Variants in CFAP43 observed in about 807,000 individuals in gnomAD.
CFAP43 encodes the protein cilia- and flagella-associated protein 43.
A neutral mutation model predicts 218.9 loss-of-function variants in CFAP43; 155 were observed. That is an observed-to-expected ratio of 0.71 (90% CI 0.62 to 0.81). CFAP43 has a LOEUF of 0.81. CFAP43 is among the 30% of genes least tolerant of loss of function. The pLI, the probability that CFAP43 is intolerant of heterozygous loss-of-function variation, is 0.00. For synonymous variants in CFAP43, 645 were observed against 681.3 expected (o/e 0.95, Z 0.83); for missense variants, 1,778 against 1,954.3 (o/e 0.91, Z 1.70).
intron 7 of CFAP43, among the ~76,000 whole-genome samples, chr10:104,205,130 G>A (rs373220509): frequency 2.7e-5 from 4 of 146,884 alleles, no homozygotes; most frequent in African/African-American, 7.6e-5. Context: ...GGAGAATGGC[G>A]TGAACCCAGG....
chr10:104,195,549 T>C (rs996735311), intron 10 of CFAP43, among the ~76,000 whole-genome samples: 36 of 152,338 alleles, frequency 2.4e-4, no homozygotes, highest in South Asian at 8.3e-4. Context: ...TTATGTATCT[T>C]TGGCATCTTA....
intron 34 of CFAP43, among the ~76,000 whole-genome samples, chr10:104,138,505 G>A (rs185032692): frequency 1.3e-5 from 2 of 151,864 alleles, no homozygotes; most frequent in African/African-American, 2.4e-5. Flanking sequence ...GAGAAACCCC[G>A]CCTCTACTGA....
intron 35 of CFAP43, chr10:104,132,643 T>C: frequency 1.0e-6 from 1 of 985,410 alleles, no homozygotes; most frequent in Non-Finnish European, 1.2e-6. Context: ...TTGATTTGGC[T>C]TTTGTGCCAT....
chr10:104,154,676 G>T (rs2088446504), intron 27 of CFAP43, among the ~76,000 whole-genome samples: 1 of 152,174 alleles, frequency 6.6e-6, no homozygotes, highest in South Asian at 2.1e-4. Context: ...TAAAAACACT[G>T]AGATTCTGGG....
chr10:104,141,802 A>G (rs1456953692), intron 33 of CFAP43, among the ~76,000 whole-genome samples: 1 of 152,184 alleles, frequency 6.6e-6, no homozygotes, highest in Non-Finnish European at 1.5e-5. Context: ...TCAGAGAAGT[A>G]TTTATCGATG....
At chr10:104,188,548 GT>G in intron 12 of CFAP43, 138 bp from the exon 13 acceptor site, 3 of 1,158,596 alleles carry the variant, frequency 2.6e-6, no homozygotes, top group African/African-American at 1.6e-5. Context: ...GACATTTAAA[GT>G]GACCTTTAAA....
intron 5 of CFAP43, among the ~76,000 whole-genome samples, chr10:104,208,693 A>G (rs1229148307): frequency 6.6e-6 from 1 of 152,214 alleles, no homozygotes; most frequent in East Asian, 1.9e-4. Context: ...GAAAAATTGC[A>G]GTCCAATTTA....
intron 12 of CFAP43, among the ~76,000 whole-genome samples, chr10:104,191,667 A>G (rs2090220781): frequency 6.6e-6 from 1 of 152,010 alleles, no homozygotes; most frequent in Non-Finnish European, 1.5e-5. Flanking sequence ...CCTTGTAGGC[A>G]CTCACTAATT....
chr10:104,156,689 T>A (rs1307285333), intron 27 of CFAP43, among the ~76,000 whole-genome samples: 1 of 152,156 alleles, frequency 6.6e-6, no homozygotes, highest in African/African-American at 2.4e-5. Flanking sequence ...GTGGCTCGGA[T>A]GCCACAAACC....
intron 21 of CFAP43, among the ~76,000 whole-genome samples, chr10:104,167,995 C>T (rs1416882518): frequency 6.6e-6 from 1 of 152,098 alleles, no homozygotes; most frequent in Non-Finnish European, 1.5e-5. Context: ...AATTTTTCTC[C>T]TCCCTTCTCT....
At chr10:104,228,761 G>T (rs994262522) in intron 2 of CFAP43, among the ~76,000 whole-genome samples, 1 of 151,794 alleles carries the variant, frequency 6.6e-6, no homozygotes, top group Admixed American at 6.6e-5. Context: ...TAATTGTATG[G>T]GTACTTATTT....
Position 104,172,347 on chromosome 10 carries a change from TC to T in CFAP43, c.2586+62del, listed in dbSNP as rs374017608. On this transcript the variant is annotated intron_variant, in intron 20 of 37. Transcript: ENST00000357060. ...CACATTATTATGAAAAAGTTCCCAT[TC>T]CTATTATCTTTTTACTTCTTTCATC... 3.5e-5 allele frequency: 55 copies of T among 1,562,554 alleles called. No individual in the cohort carries two copies. The East Asian group carries it at 8.7e-4, about 25-fold the overall frequency.
At chr10:104,147,454 G>A (rs1339393746) in intron 29 of CFAP43, among the ~76,000 whole-genome samples, 4 of 151,328 alleles carry the variant, frequency 2.6e-5, no homozygotes, top group Non-Finnish European at 5.9e-5. Context: ...TTCATAATAC[G>A]GCAGTTTTTC....
At chr10:104,152,484 G>A (rs1489567860) in intron 28 of CFAP43, 123 bp downstream of exon 28, 1 of 1,349,228 alleles carries the variant, frequency 7.4e-7, no homozygotes, top group Non-Finnish European at 1.0e-6. Context: ...AGACTGGAGA[G>A]GGACGCAGGG....
chr10:104,162,845 G>A (rs995908182), intron 24 of CFAP43, among the ~76,000 whole-genome samples: 5 of 152,050 alleles, frequency 3.3e-5, no homozygotes, highest in African/African-American at 7.2e-5. Flanking sequence ...GAGGAGGCTC[G>A]TGGGCTTTAT....
At chr10:104,205,226 A>AC (rs1564796634) in intron 7 of CFAP43, among the ~76,000 whole-genome samples, 1 of 151,232 alleles carries the variant, frequency 6.6e-6, no homozygotes, top group East Asian at 1.9e-4. Flanking sequence ...AAAAAAAAAA[A>AC]AAAAAAAAAG....
chr10:104,177,519 G>T (rs2134863818), intron 19 of CFAP43, among the ~76,000 whole-genome samples: 1 of 152,232 alleles, frequency 6.6e-6, no homozygotes, highest in Admixed American at 6.5e-5. Flanking sequence ...AGCAACAATG[G>T]GGTTCTCCTG....
rs1463471891 is a variant in CFAP43, at chr10:104,206,117, G to A, written c.896-87C>T. 14 of 1,035,834 alleles carry A rather than the reference G, an allele frequency of 1.4e-5. No individual in the cohort carries two copies. In the East Asian group the frequency reaches 2.7e-4, roughly 20 times the overall value. 64.2% of individuals were successfully genotyped at this position (1,035,834 alleles called of 1,614,324 possible). On this transcript the variant is annotated intron_variant, in intron 6 of 37. Coordinates refer to ENST00000357060, the MANE Select transcript of CFAP43 (RefSeq NM_025145.7). ...AATAATAAAAGCTACTTTTACTGAT[G>A]TAAATCTTATAAGTTGTTTTTGAAT...
intron 3 of CFAP43, among the ~76,000 whole-genome samples, chr10:104,218,070 C>T (rs575271791): frequency 2.6e-4 from 40 of 151,932 alleles, no homozygotes; most frequent in Non-Finnish European, 4.3e-4. Context: ...TTTCCAAGGC[C>T]GGGCGCAGTG....
Sources: allele counts gnomAD v4.1 joint callset (sites outside exome capture counted in the v4.1 genomes callset), GRCh38; gene constraint gnomAD v4.1.1; transcripts MANE v1.5; gene names NCBI Gene and HGNC (gene_info 2026-07-23, HGNC 2026-07-21).